Variants in TUBGCP4 observed in about 807,000 individuals in gnomAD.
TUBGCP4 encodes tubulin gamma complex component 4.
In TUBGCP4, 54 loss-of-function variants were observed where a neutral mutation model predicts 91.6. The ratio of observed to expected loss-of-function variants is 0.59; its 90% CI spans 0.47 to 0.74. The LOEUF is 0.74. TUBGCP4 is among the 30% of genes least tolerant of loss of function. TUBGCP4 has a pLI of 0.00. For missense variants in TUBGCP4, 593 were observed against 800.9 expected (o/e 0.74, Z 3.13); for synonymous variants, 297 against 302.8 (o/e 0.98, Z 0.20).
intron 6 of TUBGCP4, among the ~76,000 whole-genome samples, chr15:43,382,341 G>C (rs1451579228): frequency 6.6e-6 from 1 of 152,118 alleles, no homozygotes; most frequent in African/African-American, 2.4e-5. Context: ...TTTTCTAGTT[G>C]TCCCTCAGAA....
chr15:43,383,624 G>A (rs2044316420), intron 7 of TUBGCP4, 120 bp downstream of exon 7: 13 of 761,396 alleles, frequency 1.7e-5, no homozygotes, highest in Admixed American at 1.0e-4. Context: ...CAATCCTTTC[G>A]ATGTAAACAT....
chr15:43,398,038 C>A lies in TUBGCP4; in HGVS notation c.1280-3C>A. 1 of 1,607,466 alleles carries A rather than the reference C, an allele frequency of 6.2e-7. No homozygotes were observed. The highest frequency in any genetic ancestry group is 1.1e-5 in the South Asian group (1 of 90,540). Reference sequence around the variant, plus strand: ...CTTTTTTTCTTTTCTTTTATCACAGCAGATGCTACTCAGGCAAGAGAAGGG... The same window carrying A: ...CTTTTTTTCTTTTCTTTTATCACAGAAGATGCTACTCAGGCAAGAGAAGGG... On this transcript the variant is annotated splice_polypyrimidine_tract_variant and splice_region_variant and intron_variant, in intron 12 of 17. Transcript: ENST00000564079.
chr15:43,377,085 C>G lies in TUBGCP4; in HGVS notation c.384+18C>G. 1 of 1,599,748 alleles carries G rather than the reference C, an allele frequency of 6.3e-7. No individual in the cohort carries two copies. Among genetic ancestry groups the G allele is most frequent in the Non-Finnish European group, 8.6e-7 (1 of 1,166,890 alleles). ...TAGACCAGGTATGCTGCCCAAATAACCAAATGCCTTGCAATCTGTTGATAG... is the reference window on the plus strand; with the variant it reads ...TAGACCAGGTATGCTGCCCAAATAAGCAAATGCCTTGCAATCTGTTGATAG... On this transcript the variant is annotated intron_variant, in intron 4 of 17. Coordinates refer to ENST00000564079, the MANE Select transcript of TUBGCP4 (RefSeq NM_014444.5).
In TUBGCP4 at chr15:43,408,165, T is replaced by C. The variant is rs2044982335; in HGVS notation, c.*2951T>C. 2.1e-6 allele frequency: 3 copies of C among 1,407,216 alleles called. No individual in the cohort carries two copies. In the Admixed American group the frequency reaches 5.8e-5, roughly 27 times the overall value. The allele number at this position is 1,407,216 out of a possible 1,614,324, so 87.2% of individuals were successfully genotyped here. A position where few individuals can be genotyped will look rare whatever the true frequency, so the allele number is the denominator to read the frequency against. ...CTGCCTTTCTGCAAAGGGACTCATG[T>C]ACATCTGAATGCTTTCAAAAATAAA... On this transcript the variant is annotated 3_prime_UTR_variant, in exon 18 of 18. Coordinates refer to ENST00000564079, the MANE Select transcript of TUBGCP4 (RefSeq NM_014444.5).
Position 43,400,295 on chromosome 15 carries a change from G to C in TUBGCP4, c.1596+74G>C, listed in dbSNP as rs547733531. On this transcript the variant is annotated intron_variant, in intron 14 of 17. Transcript: ENST00000564079. The stretch of plus-strand genomic sequence containing the variant: ...GGAGGTTGGCAGGGAGTATTGAATA[G>C]GGACTACAAGTTTCTATTTGATAAA... 5.1e-5 allele frequency: 63 copies of C among 1,224,154 alleles called. No homozygotes were observed. The South Asian group carries it at 1.0e-3, about 20-fold the overall frequency. 75.8% of individuals were successfully genotyped at this position (1,224,154 alleles called of 1,614,324 possible).
chr15:43,408,523 T>C lies in TUBGCP4; in HGVS notation c.*3309T>C, dbSNP rs1049409483. Reference sequence around the variant, plus strand: ...ATTAGGGTCCCCCTTCTCTTCCTTCTTTCTATGAATGATCTGTATTCCTTG... The same window carrying C: ...ATTAGGGTCCCCCTTCTCTTCCTTCCTTCTATGAATGATCTGTATTCCTTG... On this transcript the variant is annotated 3_prime_UTR_variant, in exon 18 of 18. Coordinates refer to ENST00000564079, the MANE Select transcript of TUBGCP4 (RefSeq NM_014444.5). 10 of 273,014 alleles carry C rather than the reference T, an allele frequency of 3.7e-5. No individual in the cohort carries two copies. In the Admixed American group the frequency reaches 4.9e-4, roughly 13 times the overall value. The allele number at this position is 273,014 out of a possible 1,614,324, so 16.9% of individuals were successfully genotyped here.
At chr15:43,385,766 C>T (rs781239669) in intron 7 of TUBGCP4, 25 bp from the exon 8 acceptor site, 10 of 1,612,734 alleles carry the variant, frequency 6.2e-6, no homozygotes, top group South Asian at 5.5e-5. Context: ...CACTGCATCT[C>T]GATGTGTACT....
At chr15:43,384,006 G>A (rs2044321801) in intron 7 of TUBGCP4, among the ~76,000 whole-genome samples, 1 of 152,062 alleles carries the variant, frequency 6.6e-6, no homozygotes, top group Non-Finnish European at 1.5e-5. Flanking sequence ...TAGAGACAGG[G>A]TTTTGTCATG....
chr15:43,409,613 C>T lies in TUBGCP4; in HGVS notation c.*4399C>T, dbSNP rs1361354899. On this transcript the variant is annotated 3_prime_UTR_variant, in exon 18 of 18. Coordinates refer to ENST00000564079, the MANE Select transcript of TUBGCP4 (RefSeq NM_014444.5). ...CACAGCAAGTTGGCTCTTATCATTG[C>T]CACTATATTAGGTTACACAAAGAAA... The T allele has an allele frequency of 5.8e-6, 7 of 1,205,510 alleles. No individual in the cohort carries two copies. In the East Asian group the frequency reaches 7.5e-5, roughly 13 times the overall value. 74.7% of individuals were successfully genotyped at this position (1,205,510 alleles called of 1,614,324 possible).
chr15:43,404,149 C>T (rs2044775862), intron 16 of TUBGCP4: 2 of 535,404 alleles, frequency 3.7e-6, no homozygotes, highest in Admixed American at 3.2e-5. Flanking sequence ...TTCTCCCCAA[C>T]CCCAGTACTT....
chr15:43,406,860 A>G lies in TUBGCP4; in HGVS notation c.*1646A>G. ...TCCTTTCGTTCTCCCTTTAGCTCTA[A>G]GAGTTGGGGAGTACCCACAGGTGAG... On this transcript the variant is annotated 3_prime_UTR_variant, in exon 18 of 18. Transcript: ENST00000564079. 2 of 307,530 alleles carry G rather than the reference A, an allele frequency of 6.5e-6. No individual in the cohort carries two copies. Among genetic ancestry groups the G allele is most frequent in the Admixed American group, 8.4e-5 (2 of 23,672 alleles). 19.1% of individuals were successfully genotyped at this position (307,530 alleles called of 1,614,324 possible).
intron 14 of TUBGCP4, 44 bp downstream of exon 14, chr15:43,400,265 G>A (rs747820491): frequency 9.6e-6 from 15 of 1,565,656 alleles, no homozygotes; most frequent in South Asian, 8.0e-5. Context: ...ACGGAAAAAC[G>A]TCTAGGAGGT....
chr15:43,395,830 C>T, intron 11 of TUBGCP4, 142 bp downstream of exon 11: 1 of 681,646 alleles, frequency 1.5e-6, no homozygotes, highest in Non-Finnish European at 2.6e-6. Flanking sequence ...ATGGAAGGCT[C>T]TTGCAGGTAG....
At chr15:43,381,135 C>T (rs1472028134) in intron 6 of TUBGCP4, among the ~76,000 whole-genome samples, 1 of 152,130 alleles carries the variant, frequency 6.6e-6, no homozygotes, top group Non-Finnish European at 1.5e-5. Flanking sequence ...CCACTCTAAC[C>T]ACTGCATGAG....
chr15:43,379,981 G>T (rs1362141425), intron 5 of TUBGCP4, 103 bp from the exon 6 acceptor site: 2 of 1,084,750 alleles, frequency 1.8e-6, no homozygotes, highest in Non-Finnish European at 2.8e-6. Context: ...TTTATCCCCA[G>T]TCTCTCCTAG....
chr15:43,376,059 C>T (rs757825796), intron 1 of TUBGCP4, 39 bp from the exon 2 acceptor site: 33 of 1,605,178 alleles, frequency 2.1e-5, no homozygotes, highest in African/African-American at 5.3e-5. Flanking sequence ...GTTGGGGCAG[C>T]GACTGGCGGT....
chr15:43,385,621 A>C, intron 7 of TUBGCP4, 170 bp from the exon 8 acceptor site: 1 of 650,936 alleles, frequency 1.5e-6, no homozygotes, highest in Non-Finnish European at 2.6e-6. Flanking sequence ...CTGCTGCCTG[A>C]AGATGAAATA....
chr15:43,371,128 G>A lies in TUBGCP4; in HGVS notation c.-227G>A. Reference sequence around the variant, plus strand: ...TCTCCGCAGAGCCCGGGCGGGAGTAGCTGGTGGACCCCGTTGAGCTGCCGA... The same window carrying A: ...TCTCCGCAGAGCCCGGGCGGGAGTAACTGGTGGACCCCGTTGAGCTGCCGA... On this transcript the variant is annotated 5_prime_UTR_variant, in exon 1 of 18. Transcript: ENST00000564079. The A allele has an allele frequency of 1.7e-6, 1 of 597,346 alleles. No individual in the cohort carries two copies. The highest frequency in any genetic ancestry group is 2.9e-5 in the Admixed American group (1 of 34,384). 37.0% of individuals were successfully genotyped at this position (597,346 alleles called of 1,614,324 possible). A position where few individuals can be genotyped will look rare whatever the true frequency, so the allele number is the denominator to read the frequency against.
rs935336957 is a variant in TUBGCP4 at position 43,395,670 on chromosome 15, A to G, written c.1153A>G (p.Thr385Ala). 4 of 1,613,618 alleles carry G rather than the reference A, an allele frequency of 2.5e-6. No individual in the cohort carries two copies. In the Admixed American group the frequency reaches 6.7e-5, roughly 27 times the overall value. ...TCAACACATGTTGAAAACACCACCC[A>G]CTGCAGTAACTGAGCATGGTAATTG... ...TAQHMLKTPP[T>A]AVTEHDVNVA... is the part of the protein sequence containing the mutation. The change falls in exon 11 of 18, where the codon ACT (threonine) becomes GCT (alanine). Residue 385 changes from threonine (T) to alanine (A), a missense_variant. Physicochemically the swap from Thr to Ala is moderately conservative, Grantham distance 58. Transcript: ENST00000564079.
Sources: allele counts gnomAD v4.1 joint callset (sites outside exome capture counted in the v4.1 genomes callset), GRCh38; gene constraint gnomAD v4.1.1; transcripts MANE v1.5; gene names NCBI Gene and HGNC (gene_info 2026-07-23, HGNC 2026-07-21).